Variants in FGFRL1 observed in about 807,000 individuals in gnomAD.
FGFRL1 encodes fibroblast growth factor receptor-like 1.
In FGFRL1, 24 loss-of-function variants were observed where a neutral mutation model predicts 36.8. The ratio of observed to expected loss-of-function variants is 0.65; its 90% CI spans 0.47 to 0.92. FGFRL1 has a LOEUF of 0.92. FGFRL1 is among the 40% of genes least tolerant of loss of function. The pLI, the probability that FGFRL1 is intolerant of heterozygous loss-of-function variation, is 0.00. For missense variants in FGFRL1, 785 were observed against 753.4 expected (o/e 1.04, Z -0.49); for synonymous variants, 422 against 344.1 (o/e 1.23, Z -2.50).
chr4:1,024,865 G>A (rs374438927), intron 6 of FGFRL1, 40 bp from the exon 7 acceptor site: 15 of 1,541,036 alleles, frequency 9.7e-6, no homozygotes, highest in Middle Eastern at 2.4e-4. Context: ...TCTTTGTGTC[G>A]GCGTTCCCCT....
intron 5 of FGFRL1, 37 bp from the exon 6 acceptor site, chr4:1,024,274 G>T: frequency 3.9e-6 from 6 of 1,548,460 alleles, no homozygotes; most frequent in Non-Finnish European, 5.2e-6. Flanking sequence ...AGTCCGGCGC[G>T]GCCCAGGAGC....
At position 1,023,731 on chromosome 4, in the gene FGFRL1, G is replaced by T. The variant is rs4647933; in HGVS notation, c.433+10G>T. 4 of 1,558,634 alleles carry T rather than the reference G, an allele frequency of 2.6e-6. No homozygotes were observed. The highest frequency in any genetic ancestry group is 2.6e-6 in the Non-Finnish European group (3 of 1,152,808). ...GCCAGCCAGCAGTGGGGTGAGCAGG[G>T]GGTGACGGGGGTGGGGGGCGTCCGT... On this transcript the variant is annotated intron_variant, in intron 4 of 6. Transcript: ENST00000510644. The surrounding 1 kb of genome is among the most constrained non-coding windows in gnomAD (Gnocchi z 6.0).
At chr4:1,024,827 C>T (rs781445001) in intron 6 of FGFRL1, 78 bp from the exon 7 acceptor site, 2 of 1,461,554 alleles carry the variant, frequency 1.4e-6, no homozygotes, top group Admixed American at 2.1e-5. Flanking sequence ...TCCACAGCCC[C>T]TGGGATGGGT....
At chr4:1,013,842 C>T (rs765481815) in intron 2 of FGFRL1, among the ~76,000 whole-genome samples, 12 of 152,290 alleles carry the variant, frequency 7.9e-5, no homozygotes, top group Non-Finnish European at 1.5e-4. Context: ...TTCGTGGAGA[C>T]GCCCCAGCGG....
chr4:1,016,987 C>G (rs1715919936), intron 2 of FGFRL1, among the ~76,000 whole-genome samples: 1 of 152,174 alleles, frequency 6.6e-6, no homozygotes, highest in Non-Finnish European at 1.5e-5. Context: ...GGCACTGTGT[C>G]TCTTCTCGGT....
intron 1 of FGFRL1, chr4:1,012,246 T>G: frequency 1.3e-5 from 6 of 479,390 alleles, no homozygotes; most frequent in East Asian, 3.9e-5. Context: ...ATCCAGACGG[T>G]GTTTGGAGAG....
Position 1,012,528 on chromosome 4 carries a change from C to T in FGFRL1, c.43C>T (p.Leu15=). 6 of 1,535,476 alleles carry T rather than the reference C, an allele frequency of 3.9e-6. No individual in the cohort carries two copies. The highest frequency in any genetic ancestry group is 5.2e-6 in the Non-Finnish European group (6 of 1,145,188). Residue 15 remains leucine, a synonymous_variant, in exon 2 of 7, where the codon CTG becomes TTG. Transcript: ENST00000510644. ...GTTGCTGCTCCTGCTGCCGCCGCTG[C>T]TGCTGGGGGCCTTCCCGCCGGCCGC... is the stretch of plus-strand genomic sequence containing the variant. The part of the protein sequence containing the change: ...PLLLLLLPPL[L]LGAFPPAAAA...
At position 1,022,131 on chromosome 4, in the gene FGFRL1, C is replaced by G. The variant is rs1177228045; in HGVS notation, c.80-72C>G. The G allele has an allele frequency of 3.3e-6, 4 of 1,213,442 alleles. No homozygotes were observed. The East Asian group carries it at 1.0e-4, about 32-fold the overall frequency. 75.2% of individuals were successfully genotyped at this position (1,213,442 alleles called of 1,614,324 possible). A position where few individuals can be genotyped will look rare whatever the true frequency, so the allele number is the denominator to read the frequency against. On this transcript the variant is annotated intron_variant, in intron 2 of 6. Coordinates refer to ENST00000510644, the MANE Select transcript of FGFRL1 (RefSeq NM_001004356.3). ...CGAGGTCTGTGCTGGGCCGTGGGTC[C>G]CCTTTTGACCGCCCCCCCGGCTCCG... is the stretch of plus-strand genomic sequence containing the variant.
chr4:1,012,533 G>C lies in FGFRL1; in HGVS notation c.48G>C (p.Leu16=). 1.3e-6 allele frequency: 2 copies of C among 1,530,702 alleles called. No individual in the cohort carries two copies. The highest frequency in any genetic ancestry group is 1.7e-6 in the Non-Finnish European group (2 of 1,142,926). The allele number at this position is 1,530,702 out of a possible 1,614,324, so 94.8% of individuals were successfully genotyped here. A position where few individuals can be genotyped will look rare whatever the true frequency, so the allele number is the denominator to read the frequency against. Residue 16 remains leucine (L), a synonymous_variant, in exon 2 of 7, where the codon CTG becomes CTC. Transcript: ENST00000510644. ...TGCTCCTGCTGCCGCCGCTGCTGCT[G>C]GGGGCCTTCCCGCCGGCCGCCGCCG... ...LLLLLLPPLL[L]GAFPPAAAAR...
intron 1 of FGFRL1, 185 bp from the exon 2 acceptor site, chr4:1,012,285 G>A (rs1442689107): frequency 1.8e-6 from 1 of 550,142 alleles, no homozygotes; most frequent in Non-Finnish European, 3.1e-6. Flanking sequence ...CCGGTAATTA[G>A]TGTAAACCCT....
chr4:1,012,448 A>AC (rs758550804), intron 1 of FGFRL1, 22 bp from the exon 2 acceptor site: 2 of 1,574,382 alleles, frequency 1.3e-6, no homozygotes, highest in Admixed American at 3.5e-5. Flanking sequence ...CGTGTTAGTG[A>AC]CGGCGCCCCC....
In FGFRL1 at chr4:1,012,341, C is replaced by G. The variant is rs1275743009; in HGVS notation, c.-16-129C>G. ...CAGCTTCTCCCCGCTGCGGCTTCCT[C>G]CGCCTGGAGCGCGGGCGGGGAGGGC... On this transcript the variant is annotated intron_variant, in intron 1 of 6. Coordinates refer to ENST00000510644, the MANE Select transcript of FGFRL1 (RefSeq NM_001004356.3). 4 of 1,058,004 alleles carry G rather than the reference C, an allele frequency of 3.8e-6. No individual in the cohort carries two copies. In the Admixed American group the frequency reaches 1.1e-4, roughly 28 times the overall value. The allele number at this position is 1,058,004 out of a possible 1,614,324, so 65.5% of individuals were successfully genotyped here.
Position 1,024,363 on chromosome 4 carries a change from G to A in FGFRL1, c.771G>A (p.Thr257=), listed in dbSNP as rs747844379. ...VLTGTHPVNT[T]VDFGGTTSFQ... ...CAGGCACGCACCCCGTGAACACGACGGTGGACTTCGGGGGGACCACGTCCT... is the reference window on the plus strand; with the variant it reads ...CAGGCACGCACCCCGTGAACACGACAGTGGACTTCGGGGGGACCACGTCCT... The change falls in exon 6 of 7, where the codon ACG becomes ACA. Residue 257 remains threonine, a synonymous_variant. Transcript: ENST00000510644. 82 of 1,612,220 alleles carry A rather than the reference G, an allele frequency of 5.1e-5. No homozygotes were observed. Among genetic ancestry groups the A allele is most frequent in the East Asian group, 3.8e-4 (17 of 44,856 alleles).
chr4:1,020,355 T>C (rs1456003431), intron 2 of FGFRL1, among the ~76,000 whole-genome samples: 1 of 151,990 alleles, frequency 6.6e-6, no homozygotes, highest in East Asian at 2.0e-4. Flanking sequence ...CTCTCCGACA[T>C]GGAGAGCAGT....
rs1715588765 is a variant in FGFRL1 at position 1,011,671 on chromosome 4, C to T, written c.-300C>T. On this transcript the variant is annotated 5_prime_UTR_variant, in exon 1 of 7. Coordinates refer to ENST00000510644, the MANE Select transcript of FGFRL1 (RefSeq NM_001004356.3). ...GGGAAGGACGCCTCGCGGCGCGGCG[C>T]CCCGGGCCCCTCGCCCCGCCGCCCC... 1.4e-5 allele frequency among the ~76,000 whole-genome samples: 2 copies of T among 144,060 alleles called. No individual in the cohort carries two copies. The highest frequency in any genetic ancestry group is 6.8e-5 in the Admixed American group (1 of 14,654). The allele number at this position is 144,060 out of a possible 152,430, so 94.5% of individuals were successfully genotyped here. A position where few individuals can be genotyped will look rare whatever the true frequency, so the allele number is the denominator to read the frequency against.
At position 1,025,746 on chromosome 4, in the gene FGFRL1, G is replaced by C. The variant is rs1168791099; in HGVS notation, c.*399G>C. 3 of 288,090 alleles carry C rather than the reference G, an allele frequency of 1.0e-5. No homozygotes were observed. The Admixed American group carries it at 1.5e-4, about 14-fold the overall frequency. 17.8% of individuals were successfully genotyped at this position (288,090 alleles called of 1,614,324 possible). A position where few individuals can be genotyped will look rare whatever the true frequency, so the allele number is the denominator to read the frequency against. ...CTGCCTGGACACACACACACACACGGATATGCTGTCTGGACGCACACACGT... is the reference window on the plus strand; with the variant it reads ...CTGCCTGGACACACACACACACACGCATATGCTGTCTGGACGCACACACGT... On this transcript the variant is annotated 3_prime_UTR_variant, in exon 7 of 7. Transcript: ENST00000510644.
In FGFRL1 at chr4:1,023,017, T is replaced by C. The variant is rs920506574; in HGVS notation, c.352+542T>C. Among the ~76,000 whole-genome samples the C allele has an allele frequency of 6.8e-6, 1 of 146,778 alleles. No individual in the cohort carries two copies. The highest frequency in any genetic ancestry group is 1.5e-5 in the Non-Finnish European group (1 of 66,654). ...CTGGGAGCTGGGCTGGCCCGTTTCT[T>C]TTTTTTTTTTAATTCTACTTTAAGT... On this transcript the variant is annotated intron_variant, in intron 3 of 6. Coordinates refer to ENST00000510644, the MANE Select transcript of FGFRL1 (RefSeq NM_001004356.3). This position sits in a 1 kb window ranked among gnomAD's most constrained non-coding sequence, Gnocchi z 6.0.
rs760242543 is a variant in FGFRL1 at position 1,022,355 on chromosome 4, C to T, written c.232C>T (p.Arg78Cys). ...RTIHSGWSRF[R>C]VLPQGLKVKQ... The stretch of plus-strand genomic sequence containing the variant: ...CATCCACAGCGGCTGGAGCCGCTTC[C>T]GCGTGCTGCCGCAGGGGCTGAAGGT... Residue 78 changes from arginine (R) to cysteine (C), a missense_variant, in exon 3 of 7, where the codon CGC (arginine) becomes TGC (cysteine). By Grantham distance (180) the Arg-to-Cys change is radical. Transcript: ENST00000510644. The T allele has an allele frequency of 2.8e-5, 45 of 1,607,550 alleles. No individual in the cohort carries two copies. Among genetic ancestry groups the T allele is most frequent in the Middle Eastern group, 1.7e-4 (1 of 6,034 alleles).
rs1481553264 is a variant in FGFRL1, at chr4:1,026,538, G to C, written c.*1191G>C. The C allele has an allele frequency of 5.1e-6, 1 of 197,704 alleles. No homozygotes were observed. The highest frequency in any genetic ancestry group is 1.0e-5 in the Non-Finnish European group (1 of 96,526). 12.2% of individuals were successfully genotyped at this position (197,704 alleles called of 1,614,324 possible). On this transcript the variant is annotated 3_prime_UTR_variant, in exon 7 of 7. Coordinates refer to ENST00000510644, the MANE Select transcript of FGFRL1 (RefSeq NM_001004356.3). ...CAGGAGTCCCCTACTGCTGTGGGCTGGGGTTGGGGGCACAGCAGCCCCAAG... is the reference window on the plus strand; with the variant it reads ...CAGGAGTCCCCTACTGCTGTGGGCTCGGGTTGGGGGCACAGCAGCCCCAAG...
Sources: allele counts gnomAD v4.1 joint callset (sites outside exome capture counted in the v4.1 genomes callset), GRCh38; gene constraint gnomAD v4.1.1; non-coding constraint Gnocchi (gnomAD v3.1); transcripts MANE v1.5; gene names NCBI Gene and HGNC (gene_info 2026-07-23, HGNC 2026-07-21).